The following ANKH variants were observed in gnomAD, a reference collection of about 807,000 sequenced individuals.
The protein encoded by ANKH is mineralization regulator ANKH.
A neutral mutation model predicts 49.0 loss-of-function variants in ANKH; 15 were observed. That is an observed-to-expected ratio of 0.31 (90% CI 0.20 to 0.47). The LOEUF (loss-of-function observed/expected upper bound fraction) is 0.47. ANKH is among the 20% of genes least tolerant of loss of function. ANKH has a pLI of 1.00. For missense variants in ANKH, 429 were observed against 652.0 expected (o/e 0.66, Z 3.72); for synonymous variants, 273 against 260.0 (o/e 1.05, Z -0.48).
intron 8 of ANKH, among the ~76,000 whole-genome samples, chr5:14,739,204 G>T (rs1305546394): frequency 6.6e-6 from 1 of 152,136 alleles, no homozygotes; most frequent in Non-Finnish European, 1.5e-5. Context: ...ATCACTTGAG[G>T]TCAGGAGTTC....
At chr5:14,793,021 A>AATAT (rs1161157269) in intron 1 of ANKH, among the ~76,000 whole-genome samples, 2,223 of 68,188 alleles carry the variant, frequency 0.033, 61 homozygotes, top group Non-Finnish European at 0.046. Flanking sequence ...TATATATATA[A>AATAT]ATATATATAT....
At chr5:14,726,524 A>G (rs1046057259) in intron 8 of ANKH, among the ~76,000 whole-genome samples, 4 of 152,050 alleles carry the variant, frequency 2.6e-5, no homozygotes, top group Middle Eastern at 3.2e-3. Context: ...AGAAGAACCA[A>G]TGTACAATAT....
chr5:14,804,350 T>C (rs1740644114), intron 1 of ANKH, among the ~76,000 whole-genome samples: 1 of 152,146 alleles, frequency 6.6e-6, no homozygotes, highest in Admixed American at 6.5e-5. Context: ...CACCACACCA[T>C]AATGGGTCAC....
At position 14,736,598 on chromosome 5, in the gene ANKH, G is replaced by T. The variant is rs140323894; in HGVS notation, c.1011+5229C>A. Reference sequence around the variant, plus strand: ...ATTCTGCTCCAGTTTTCTCTGAGTCGTCACCTCCCCTCTTTTTCTGACCAG... The same window carrying T: ...ATTCTGCTCCAGTTTTCTCTGAGTCTTCACCTCCCCTCTTTTTCTGACCAG... On this transcript the variant is annotated intron_variant, in intron 8 of 11. Coordinates refer to ENST00000284268, the MANE Select transcript of ANKH (RefSeq NM_054027.6). Among the ~76,000 whole-genome samples the T allele has an allele frequency of 1.9e-3, 290 of 152,070 alleles. 2 individuals are homozygous for T. The highest frequency in any genetic ancestry group is 6.6e-3 in the African/African-American group (272 of 41,446).
chr5:14,775,184 G>A (rs1739575702), intron 1 of ANKH, among the ~76,000 whole-genome samples: 1 of 151,788 alleles, frequency 6.6e-6, no homozygotes, highest in African/African-American at 2.4e-5. Context: ...TCAGCCTCCT[G>A]AGTGGCTGGG....
At chr5:14,774,687 A>G (rs537987340) in intron 1 of ANKH, among the ~76,000 whole-genome samples, 1 of 151,986 alleles carries the variant, frequency 6.6e-6, no homozygotes. Context: ...TCTTCATTGC[A>G]TGTTCACTTC....
Position 14,826,533 on chromosome 5 carries a change from G to A in ANKH, c.96+44819C>T, listed in dbSNP as rs73750277. Among the ~76,000 whole-genome samples, 894 of 152,160 alleles carry A rather than the reference G, an allele frequency of 5.9e-3. 12 individuals are homozygous for A. Among genetic ancestry groups the A allele is most frequent in the African/African-American group, 0.02 (825 of 41,516 alleles). On this transcript the variant is annotated intron_variant, in intron 1 of 11. Coordinates refer to ENST00000284268, the MANE Select transcript of ANKH (RefSeq NM_054027.6). The stretch of plus-strand genomic sequence containing the variant: ...TAATTCTGGTACCTACTTCATAAAG[G>A]CTATGGTGGGAATTAATAAATTAAT...
In ANKH at chr5:14,741,812, A is replaced by G. The variant is rs187483; in HGVS notation, c.1011+15T>C. ...CCAAACAGAGAGAAGAGGCAGAGAG[A>G]GCCTCTGTCCTTACCGTGAGTGACA... On this transcript the variant is annotated intron_variant, in intron 8 of 11. Coordinates refer to ENST00000284268, the MANE Select transcript of ANKH (RefSeq NM_054027.6). 5 of 1,600,356 alleles carry G rather than the reference A, an allele frequency of 3.1e-6. No homozygotes were observed. The East Asian group carries it at 1.1e-4, about 36-fold the overall frequency.
At chr5:14,852,985 C>T (rs1238815971) in intron 1 of ANKH, among the ~76,000 whole-genome samples, 5 of 152,226 alleles carry the variant, frequency 3.3e-5, no homozygotes, top group Middle Eastern at 6.8e-3. Flanking sequence ...AAGGTACCCC[C>T]GGGAGTGTGC....
At chr5:14,775,328 C>T (rs1739582921) in intron 1 of ANKH, among the ~76,000 whole-genome samples, 1 of 152,154 alleles carries the variant, frequency 6.6e-6, no homozygotes, top group African/African-American at 2.4e-5. Context: ...CTGCCTCTGC[C>T]TCCCAAAGCA....
Position 14,716,802 on chromosome 5 carries a change from A to G in ANKH, c.1045T>C (p.Ser349Pro). ...ATGATGTCTATCAAGATTTTCTCAG[A>G]CACGTTGGGTGTCCAAAACATCACG... is the stretch of plus-strand genomic sequence containing the variant. ...CFVMFWTPNV[S>P]EKILIDIIGV... Residue 349 changes from serine to proline, a missense_variant, in exon 9 of 12, where the codon TCT becomes CCT. Coordinates refer to ENST00000284268, the MANE Select transcript of ANKH (RefSeq NM_054027.6). The G allele has an allele frequency of 6.2e-7, 1 of 1,614,184 alleles. No homozygotes were observed. Among genetic ancestry groups the G allele is most frequent in the Non-Finnish European group, 8.5e-7 (1 of 1,179,980 alleles).
At chr5:14,817,358 G>A (rs1023454247) in intron 1 of ANKH, among the ~76,000 whole-genome samples, 3 of 152,070 alleles carry the variant, frequency 2.0e-5, no homozygotes, top group Non-Finnish European at 4.4e-5. Flanking sequence ...TGAGTGAAAT[G>A]GAAGGATGAA....
In ANKH at chr5:14,725,750, AT is replaced by A. The variant is rs1047210443; in HGVS notation, c.1012-8916del. Reference sequence around the variant, plus strand: ...CATGTATTCTTTTTATCAGAAAAACATTTTTTTTTCTTTTGAGATGCAGCCT... The same window carrying A: ...CATGTATTCTTTTTATCAGAAAAACATTTTTTTTCTTTTGAGATGCAGCCT... On this transcript the variant is annotated intron_variant, in intron 8 of 11. Transcript: ENST00000284268. The surrounding 1 kb of genome is among the most constrained non-coding windows in gnomAD (Gnocchi z 4.0). Among the ~76,000 whole-genome samples the A allele has an allele frequency of 2.0e-5, 3 of 151,570 alleles. No individual in the cohort carries two copies. Among genetic ancestry groups the A allele is most frequent in the African/African-American group, 4.8e-5 (2 of 41,266 alleles).
intron 8 of ANKH, among the ~76,000 whole-genome samples, chr5:14,736,006 CTTTTTTTTTTTTTTTTTT>C (rs540010631): frequency 2.5e-3 from 210 of 83,672 alleles, no homozygotes; most frequent in African/African-American, 4.8e-3. Context: ...AAAAACCTAA[CTTTTTTTTTTTTTTTTTT>C]TTTTTTTTTT....
chr5:14,779,769 G>C (rs1026214550), intron 1 of ANKH, among the ~76,000 whole-genome samples: 4 of 152,296 alleles, frequency 2.6e-5, no homozygotes, highest in African/African-American at 9.6e-5. Flanking sequence ...ATGTAGTTCT[G>C]ATCGTTTCTC....
intron 1 of ANKH, chr5:14,868,487 T>C (rs1218553767): frequency 6.6e-6 from 1 of 150,836 alleles, no homozygotes; most frequent in African/African-American, 2.4e-5. Context: ...AACCCCTGCC[T>C]CCTGGGGTTC....
At chr5:14,805,853 G>A (rs1470160411) in intron 1 of ANKH, among the ~76,000 whole-genome samples, 4 of 152,066 alleles carry the variant, frequency 2.6e-5, no homozygotes, top group Non-Finnish European at 4.4e-5. Flanking sequence ...CTGCTGCCTC[G>A]ATAAAGCCGG....
chr5:14,859,935 C>T (rs1050593053), intron 1 of ANKH, among the ~76,000 whole-genome samples: 4 of 152,216 alleles, frequency 2.6e-5, no homozygotes, highest in African/African-American at 9.7e-5. Flanking sequence ...TCTACTATAC[C>T]TGGAATTAAG....
At chr5:14,839,841 T>C (rs375220039) in intron 1 of ANKH, among the ~76,000 whole-genome samples, 1 of 152,202 alleles carries the variant, frequency 6.6e-6, no homozygotes, top group South Asian at 2.1e-4. Context: ...TGGGAAGAGA[T>C]GTAAAGATGC....
Sources: allele counts gnomAD v4.1 joint callset (sites outside exome capture counted in the v4.1 genomes callset), GRCh38; gene constraint gnomAD v4.1.1; non-coding constraint Gnocchi (gnomAD v3.1); transcripts MANE v1.5; gene names NCBI Gene and HGNC (gene_info 2026-07-23, HGNC 2026-07-21).